ADCY8: variants seen among roughly 807,000 people sequenced by gnomAD.
ADCY8 encodes adenylate cyclase 8, also known as adenylate cyclase type 8.
A neutral mutation model predicts 119.7 loss-of-function variants in ADCY8; 51 were observed. That is an observed-to-expected ratio of 0.43 (90% confidence interval 0.34 to 0.54). ADCY8 has a LOEUF of 0.54. Ranked by LOEUF, ADCY8 falls within the 20% of genes least tolerant of loss-of-function variation. ADCY8 has a pLI of 0.03. For missense variants in ADCY8, 1,383 were observed against 1,598.8 expected, an observed-to-expected ratio of 0.87 and a Z score of 2.30; for synonymous variants, 665 against 651.0, an observed-to-expected ratio of 1.02 and a Z score of -0.33.
intron 11 of ADCY8, among the ~76,000 whole-genome samples, chr8:130,840,029 C>A (rs1408554723): frequency 7.1e-6 from 1 of 139,920 alleles, no homozygotes; most frequent in African/African-American, 2.4e-5. Context: ...AGTTGGACAA[C>A]ATTGTCTAGT....
At chr8:131,023,834 C>A (rs1823746408) in intron 1 of ADCY8, among the ~76,000 whole-genome samples, 1 of 152,132 alleles carries the variant, frequency 6.6e-6, no homozygotes, top group South Asian at 2.1e-4. Context: ...GAACCCATGG[C>A]TAGTTGGGTC....
intron 1 of ADCY8, among the ~76,000 whole-genome samples, chr8:131,035,734 G>GAA (rs2130815862): frequency 6.6e-6 from 1 of 152,256 alleles, no homozygotes; most frequent in East Asian, 1.9e-4. Flanking sequence ...TCAGTGAAGT[G>GAA]AAACAGCTGC....
At chr8:130,849,915 T>A in intron 9 of ADCY8, 112 bp from the exon 10 acceptor site, 2 of 1,080,976 alleles carry the variant, frequency 1.9e-6, no homozygotes, top group Non-Finnish European at 2.7e-6. Context: ...TCTTTGAAAG[T>A]TCTGTTTGTC....
At chr8:130,930,472 C>T (rs960575952) in intron 5 of ADCY8, among the ~76,000 whole-genome samples, 10 of 151,892 alleles carry the variant, frequency 6.6e-5, no homozygotes, top group Non-Finnish European at 4.4e-5. Context: ...AGGATGGTGT[C>T]GATCCCCTGA....
chr8:130,813,029 C>T (rs1263617499), intron 14 of ADCY8, among the ~76,000 whole-genome samples: 2 of 151,196 alleles, frequency 1.3e-5, no homozygotes, highest in African/African-American at 2.4e-5. Flanking sequence ...CTCACTGCAA[C>T]CTCTGCCCCC....
intron 15 of ADCY8, among the ~76,000 whole-genome samples, chr8:130,792,532 T>C (rs1272507289): frequency 6.6e-6 from 1 of 152,188 alleles, no homozygotes; most frequent in East Asian, 1.9e-4. Context: ...TTCCTCCTCA[T>C]CGACCCCCAT....
In ADCY8 at chr8:131,040,297, C is replaced by A; in HGVS notation, c.37G>T (p.Glu13Ter). Reference sequence around the variant, plus strand: ...GTCGGGTGGATGGTGTAGAGTTCCTCGCTGCCTGTAAGGCAGCGCACATCG... The same window carrying A: ...GTCGGGTGGATGGTGTAGAGTTCCTAGCTGCCTGTAAGGCAGCGCACATCG... ...LSDVRCLTGS[E>*]ELYTIHPTPP... Residue 13 changes from glutamate to a stop codon, truncating the protein, a stop_gained, in exon 1 of 18, where the codon GAG becomes TAG. Coordinates refer to ENST00000286355, the MANE Select transcript of ADCY8 (RefSeq NM_001115.3). LOFTEE classifies it high-confidence loss of function. 1 of 1,556,054 alleles carries A rather than the reference C, an allele frequency of 6.4e-7. No individual in the cohort carries two copies. Among genetic ancestry groups the A allele is most frequent in the Non-Finnish European group, 8.7e-7 (1 of 1,155,804 alleles).
intron 9 of ADCY8, among the ~76,000 whole-genome samples, chr8:130,858,391 G>A (rs921746323): frequency 1.3e-5 from 2 of 152,102 alleles, no homozygotes. Flanking sequence ...ACAGGTTTGA[G>A]GAATACTGGT....
chr8:130,842,354 C>T (rs1817171739), intron 11 of ADCY8, among the ~76,000 whole-genome samples: 1 of 152,094 alleles, frequency 6.6e-6, no homozygotes, highest in Non-Finnish European at 1.5e-5. Context: ...CTTTAAATAG[C>T]TTTTCAATCT....
rs1398546474 is a variant in ADCY8 at position 130,972,866 on chromosome 8, G to A, written c.1110+17527C>T. Among the ~76,000 whole-genome samples the A allele has an allele frequency of 2.0e-5, 3 of 151,022 alleles. 1 individual carries two copies. The highest frequency in any genetic ancestry group is 2.0e-4 in the Admixed American group (3 of 15,240). ...GTTTTTTTTTCCCCCAAACCATCTGGGATAAGGAGATAAGCATCAGTTTTT... is the reference window on the plus strand; with the variant it reads ...GTTTTTTTTTCCCCCAAACCATCTGAGATAAGGAGATAAGCATCAGTTTTT... On this transcript the variant is annotated intron_variant, in intron 2 of 17. Coordinates refer to ENST00000286355, the MANE Select transcript of ADCY8 (RefSeq NM_001115.3).
intron 1 of ADCY8, among the ~76,000 whole-genome samples, chr8:130,997,482 A>C (rs1204915260): frequency 6.6e-6 from 1 of 152,168 alleles, no homozygotes; most frequent in Non-Finnish European, 1.5e-5. Context: ...TCCAAAAGAG[A>C]TGACTGAGAG....
chr8:130,946,162 T>A (rs1821100181), intron 3 of ADCY8, among the ~76,000 whole-genome samples: 1 of 152,230 alleles, frequency 6.6e-6, no homozygotes, highest in Non-Finnish European at 1.5e-5. Context: ...ACCAATTTAT[T>A]TATTCATTCA....
At chr8:131,031,522 T>C (rs1053624523) in intron 1 of ADCY8, among the ~76,000 whole-genome samples, 8 of 152,178 alleles carry the variant, frequency 5.3e-5, no homozygotes, top group Admixed American at 5.2e-4. Flanking sequence ...ATGCCCCTCA[T>C]AAAGCATGTG....
At chr8:130,916,446 C>T (rs986582360) in intron 5 of ADCY8, among the ~76,000 whole-genome samples, 1 of 152,204 alleles carries the variant, frequency 6.6e-6, no homozygotes, top group East Asian at 1.9e-4. Flanking sequence ...TGTCAGCCTG[C>T]CGTATGAAAC....
intron 12 of ADCY8, among the ~76,000 whole-genome samples, chr8:130,827,728 A>T (rs1816710709): frequency 1.3e-5 from 2 of 152,198 alleles, no homozygotes; most frequent in Admixed American, 1.3e-4. Flanking sequence ...TAGCTGCTTC[A>T]TATTGGGGAC....
At chr8:130,809,243 C>A (rs1289599959) in intron 14 of ADCY8, among the ~76,000 whole-genome samples, 1 of 152,128 alleles carries the variant, frequency 6.6e-6, no homozygotes. Context: ...GTTACGCATA[C>A]CTGGGTTTGG....
At chr8:130,781,984 A>G (rs937804568) in intron 17 of ADCY8, among the ~76,000 whole-genome samples, 1 of 152,166 alleles carries the variant, frequency 6.6e-6, no homozygotes, top group African/African-American at 2.4e-5. Context: ...CTGGGGAGAG[A>G]TAGAAAATAA....
intron 17 of ADCY8, 90 bp downstream of exon 17, chr8:130,783,600 AG>A: frequency 1.1e-6 from 1 of 871,792 alleles, no homozygotes; most frequent in East Asian, 2.5e-5. Context: ...TGCAGGAAAA[AG>A]CTTTCCTGGA....
At chr8:130,993,968 T>C (rs1229227844) in intron 1 of ADCY8, among the ~76,000 whole-genome samples, 1 of 152,230 alleles carries the variant, frequency 6.6e-6, no homozygotes, top group African/African-American at 2.4e-5. Context: ...CCTGTTACAG[T>C]GTTTCAAAGA....
Sources: gnomAD v4.1 joint callset for allele counts (sites outside exome capture counted in the v4.1 genomes callset) on GRCh38, gnomAD v4.1.1 for gene constraint, MANE v1.5 for transcripts, NCBI Gene and HGNC (gene_info 2026-07-23, HGNC 2026-07-21) for gene names.